Variants in INPP4B observed in about 807,000 individuals in gnomAD.
The protein encoded by INPP4B is inositol polyphosphate 4-phosphatase type II.
Under a neutral mutation model 122.5 loss-of-function variants are expected in INPP4B, and 55 were observed. The ratio of observed to expected loss-of-function variants is 0.45; its 90% CI spans 0.36 to 0.56. The LOEUF (loss-of-function observed/expected upper bound fraction) is 0.56. Ranked by LOEUF, INPP4B falls within the 20% of genes least tolerant of loss-of-function variation. The pLI, the probability that INPP4B is intolerant of heterozygous loss-of-function variation, is 0.00. For synonymous variants in INPP4B, 403 were observed against 388.7 expected (o/e 1.04, Z -0.43); for missense variants, 1,000 against 1,097.7 (o/e 0.91, Z 1.26).
intron 2 of INPP4B, among the ~76,000 whole-genome samples, chr4:142,475,798 A>C (rs953885152): frequency 3.3e-5 from 5 of 152,196 alleles, no homozygotes; most frequent in African/African-American, 1.2e-4. Context: ...ACAAACAAAC[A>C]AAACCAACAG....
intron 1 of INPP4B, among the ~76,000 whole-genome samples, chr4:142,794,369 G>A (rs901820063): frequency 2.0e-5 from 3 of 151,894 alleles, no homozygotes; most frequent in Non-Finnish European, 4.4e-5. Flanking sequence ...ATTTATTACA[G>A]GCCTGAATTA....
intron 7 of INPP4B, among the ~76,000 whole-genome samples, chr4:142,336,700 T>C (rs555806372): frequency 3.9e-5 from 6 of 152,240 alleles, no homozygotes; most frequent in Non-Finnish European, 5.9e-5. Flanking sequence ...TTGTAGCACG[T>C]TGGGCCCAGT....
chr4:142,165,395 A>G (rs1001672226), intron 16 of INPP4B, among the ~76,000 whole-genome samples: 1 of 151,660 alleles, frequency 6.6e-6, no homozygotes, highest in Non-Finnish European at 1.5e-5. Flanking sequence ...TCTACATTCC[A>G]TAGGGATACT....
intron 2 of INPP4B, among the ~76,000 whole-genome samples, chr4:142,710,208 A>C (rs1016823705): frequency 6.6e-6 from 1 of 152,238 alleles, no homozygotes; most frequent in African/African-American, 2.4e-5. Context: ...TTATGAGCAC[A>C]GCCAATGCCT....
At chr4:142,750,548 T>C (rs1580832496) in intron 1 of INPP4B, among the ~76,000 whole-genome samples, 1 of 152,212 alleles carries the variant, frequency 6.6e-6, no homozygotes, top group Admixed American at 6.5e-5. Flanking sequence ...TGTCATGATA[T>C]GTATGTAGAT....
At chr4:142,267,263 T>A (rs997853038) in intron 10 of INPP4B, among the ~76,000 whole-genome samples, 1 of 151,952 alleles carries the variant, frequency 6.6e-6, no homozygotes, top group African/African-American at 2.4e-5. Flanking sequence ...TTATCTTGAG[T>A]AAAGAGAACA....
chr4:142,791,820 C>A lies in INPP4B; in HGVS notation c.-254+54389G>T, dbSNP rs539823297. Among the ~76,000 whole-genome samples the A allele has an allele frequency of 3.3e-5, 5 of 152,166 alleles. No homozygotes were observed. The East Asian group carries it at 9.7e-4, about 29-fold the overall frequency. ...GCTCTGCTACTTACTCACCCATTGA[C>A]TGCTATCTAAACTTGCCACTGTCAT... On this transcript the variant is annotated intron_variant, in intron 1 of 25. Transcript: ENST00000262992.
chr4:142,717,919 A>C (rs1229984396), intron 2 of INPP4B, among the ~76,000 whole-genome samples: 3 of 151,912 alleles, frequency 2.0e-5, no homozygotes, highest in Non-Finnish European at 4.4e-5. Flanking sequence ...AAAAAAAAAA[A>C]AAAAAAGAAT....
intron 2 of INPP4B, among the ~76,000 whole-genome samples, chr4:142,593,396 T>C (rs28481559): frequency 0.014 from 2,147 of 152,248 alleles, 40 homozygotes; most frequent in African/African-American, 0.041. Context: ...TATCACCACT[T>C]GACCTTTTTC....
At chr4:142,683,785 A>G (rs918850237) in intron 2 of INPP4B, among the ~76,000 whole-genome samples, 6 of 151,830 alleles carry the variant, frequency 4.0e-5, no homozygotes, top group Non-Finnish European at 8.8e-5. Context: ...TCTTCATACA[A>G]TCTATTACGT....
At chr4:142,799,230 C>T (rs1451062174) in intron 1 of INPP4B, among the ~76,000 whole-genome samples, 1 of 151,844 alleles carries the variant, frequency 6.6e-6, no homozygotes, top group Non-Finnish European at 1.5e-5. Context: ...ATATATATTT[C>T]AGGATTACTT....
chr4:142,631,430 A>C (rs1029597245), intron 2 of INPP4B, among the ~76,000 whole-genome samples: 5 of 152,190 alleles, frequency 3.3e-5, no homozygotes, highest in Non-Finnish European at 5.9e-5. Flanking sequence ...GCCAAAAAGA[A>C]GGTAAGGAAC....
intron 21 of INPP4B, among the ~76,000 whole-genome samples, chr4:142,120,651 C>G (rs929531033): frequency 1.3e-5 from 2 of 152,026 alleles, no homozygotes; most frequent in Non-Finnish European, 2.9e-5. Context: ...TACTCCAATC[C>G]AAGTCAAGTC....
chr4:142,586,116 C>G (rs143792204), intron 2 of INPP4B, among the ~76,000 whole-genome samples: 1 of 151,950 alleles, frequency 6.6e-6, no homozygotes, highest in Non-Finnish European at 1.5e-5. Context: ...TGGAGACCAG[C>G]CTGGGCAACA....
At chr4:142,800,203 G>T (rs1456038300) in intron 1 of INPP4B, among the ~76,000 whole-genome samples, 4 of 152,094 alleles carry the variant, frequency 2.6e-5, no homozygotes, top group South Asian at 2.1e-4. Flanking sequence ...CTTTTAGGTT[G>T]AATGTACGTA....
At chr4:142,653,787 T>G (rs1253156291) in intron 2 of INPP4B, among the ~76,000 whole-genome samples, 1 of 152,156 alleles carries the variant, frequency 6.6e-6, no homozygotes, top group African/African-American at 2.4e-5. Context: ...GTAAATTAGT[T>G]CAACCATTGT....
chr4:142,116,937 A>G (rs1181999409), intron 21 of INPP4B, among the ~76,000 whole-genome samples: 1 of 152,186 alleles, frequency 6.6e-6, no homozygotes, highest in African/African-American at 2.4e-5. Context: ...AGAAGAAAAG[A>G]GAAAATAAAC....
At chr4:142,344,847 G>T (rs1028452080) in intron 7 of INPP4B, among the ~76,000 whole-genome samples, 1 of 151,918 alleles carries the variant, frequency 6.6e-6, no homozygotes, top group Non-Finnish European at 1.5e-5. Flanking sequence ...GCCTGCACTT[G>T]TACCTCTGAA....
chr4:142,117,090 T>C (rs1454533128), intron 21 of INPP4B, among the ~76,000 whole-genome samples: 2 of 151,816 alleles, frequency 1.3e-5, no homozygotes, highest in African/African-American at 4.8e-5. Context: ...TGGACACATA[T>C]ACCCTCCCAA....
Sources: gnomAD v4.1 joint callset for allele counts (sites outside exome capture counted in the v4.1 genomes callset) on GRCh38, gnomAD v4.1.1 for gene constraint, MANE v1.5 for transcripts, NCBI Gene and HGNC (gene_info 2026-07-23, HGNC 2026-07-21) for gene names.